Variants in RAD54L2 observed in about 807,000 individuals in gnomAD.
The protein encoded by RAD54L2 is RAD54 like 2, also known as helicase ARIP4.
RAD54L2 carries 27 observed loss-of-function variants against 138.4 expected under a neutral mutation model. The ratio of observed to expected loss-of-function variants is 0.20; its 90% CI spans 0.14 to 0.27. The LOEUF (loss-of-function observed/expected upper bound fraction) is 0.27, where lower values mean the gene tolerates loss of function less well. Ranked by LOEUF, RAD54L2 falls within the 10% of genes least tolerant of loss-of-function variation. The pLI is 1.00. For missense variants in RAD54L2, 1,396 were observed against 1,890.2 expected (o/e 0.74, Z 4.85); for synonymous variants, 644 against 723.2 (o/e 0.89, Z 1.76).
chr3:51,620,641 T>C (rs1030958749), intron 3 of RAD54L2, among the ~76,000 whole-genome samples: 1 of 152,098 alleles, frequency 6.6e-6, no homozygotes, highest in Non-Finnish European at 1.5e-5. Context: ...GTCAAATTTA[T>C]AGTGGTGGTG....
At chr3:51,542,959 T>C (rs1250218623) in intron 2 of RAD54L2, among the ~76,000 whole-genome samples, 2 of 152,150 alleles carry the variant, frequency 1.3e-5, no homozygotes, top group Non-Finnish European at 2.9e-5. Flanking sequence ...TTGTGTTCTA[T>C]ATGGCCCCTG....
Position 51,552,026 on chromosome 3 carries a change from A to G in RAD54L2, c.-55+10376A>G, listed in dbSNP as rs541608730. On this transcript the variant is annotated intron_variant, in intron 2 of 22. Coordinates refer to ENST00000684192, the MANE Select transcript of RAD54L2 (RefSeq NM_015106.4). ...CAGCCTCCCAAAGTGCTGGGATTAT[A>G]GGCGTGAGCCACCACGCCCAGCCTA... Among the ~76,000 whole-genome samples, 7 of 152,314 alleles carry G rather than the reference A, an allele frequency of 4.6e-5. No homozygotes were observed. In the South Asian group the frequency reaches 1.2e-3, roughly 27 times the overall value.
chr3:51,549,383 A>G (rs565755413), intron 2 of RAD54L2, among the ~76,000 whole-genome samples: 16 of 152,276 alleles, frequency 1.1e-4, no homozygotes, highest in African/African-American at 3.4e-4. Flanking sequence ...TCAGGAGACA[A>G]ATCCAGAGCC....
chr3:51,651,722 G>A (rs768669841), intron 19 of RAD54L2, among the ~76,000 whole-genome samples: 1 of 152,144 alleles, frequency 6.6e-6, no homozygotes, highest in Admixed American at 6.5e-5. Flanking sequence ...AAAGGCATTC[G>A]ACAAAATTCA....
At position 51,629,481 on chromosome 3, in the gene RAD54L2, G is replaced by A; in HGVS notation, c.481+8G>A. 3.1e-6 allele frequency: 5 copies of A among 1,611,836 alleles called. No homozygotes were observed. The highest frequency in any genetic ancestry group is 4.2e-6 in the Non-Finnish European group (5 of 1,179,134). ...CGCTGGAGTTCCTCCCTGGTAAGCA[G>A]TGGACATGGCAGGGAAGGCCCTTTG... On this transcript the variant is annotated splice_region_variant and intron_variant, in intron 5 of 22. Coordinates refer to ENST00000684192, the MANE Select transcript of RAD54L2 (RefSeq NM_015106.4).
At chr3:51,653,639 G>T (rs1214120251) in intron 19 of RAD54L2, among the ~76,000 whole-genome samples, 1 of 152,194 alleles carries the variant, frequency 6.6e-6, no homozygotes, top group Non-Finnish European at 1.5e-5. Context: ...TAGGGACATG[G>T]ATGAAGCTGG....
chr3:51,656,276 A>G lies in RAD54L2; in HGVS notation c.3226+106A>G, dbSNP rs111695778. The G allele has an allele frequency of 1.4e-3, 1,505 of 1,069,480 alleles. 11 individuals are homozygous for G. The African/African-American group carries it at 0.021, about 15-fold the overall frequency. The allele number at this position is 1,069,480 out of a possible 1,614,324, so 66.2% of individuals were successfully genotyped here. A position where few individuals can be genotyped will look rare whatever the true frequency, so the allele number is the denominator to read the frequency against. The stretch of plus-strand genomic sequence containing the variant: ...CCTTTTGTATTTCTGGCCTTACTAC[A>G]TTTGGCACTCTTGGTAAAAAATAGG... On this transcript the variant is annotated intron_variant, in intron 20 of 22. Coordinates refer to ENST00000684192, the MANE Select transcript of RAD54L2 (RefSeq NM_015106.4).
chr3:51,575,567 C>G (rs148921801), intron 2 of RAD54L2, among the ~76,000 whole-genome samples: 1 of 152,036 alleles, frequency 6.6e-6, no homozygotes, highest in East Asian at 1.9e-4. Context: ...CCTTCACATC[C>G]CTTGTAAGTT....
intron 3 of RAD54L2, among the ~76,000 whole-genome samples, chr3:51,602,766 C>T (rs1430752063): frequency 1.3e-5 from 2 of 152,186 alleles, no homozygotes; most frequent in African/African-American, 2.4e-5. Context: ...AATGCCTCTC[C>T]TCATGGGATT....
rs1403859230 is a variant in RAD54L2 at position 51,633,758 on chromosome 3, C to T, written c.1007C>T (p.Pro336Leu). ...GCCAAAACAGTCCTTGCCATTGTGC[C>T]GGTAAGAGTTTTTGGGAAGGCACCA... Reference protein sequence around the residue: ...TPAKTVLAIVPVNTLQNWLAE... With the variant: ...TPAKTVLAIVLVNTLQNWLAE... The change falls in exon 8 of 23, where the codon CCG becomes CTG. Residue 336 changes from proline (P) to leucine (L), a missense_variant and splice_region_variant. Physicochemically the swap from Pro to Leu is moderately conservative, Grantham distance 98. This residue lies in a region of RAD54L2 where 169 missense variants were observed against 235.6 expected (regional missense o/e 0.72). Transcript: ENST00000684192. 6.2e-7 allele frequency: 1 copy of T among 1,613,672 alleles called. No homozygotes were observed. Among genetic ancestry groups the T allele is most frequent in the Non-Finnish European group, 8.5e-7 (1 of 1,179,794 alleles).
chr3:51,589,989 T>TTTTTTCTTTG (rs1699806160), intron 2 of RAD54L2, among the ~76,000 whole-genome samples: 1 of 152,056 alleles, frequency 6.6e-6, no homozygotes, highest in Admixed American at 6.6e-5. Flanking sequence ...TGTTCAGCAT[T>TTTTTTCTTTG]TTTTTCTTTG....
chr3:51,649,410 A>C (rs1701370811), intron 19 of RAD54L2, among the ~76,000 whole-genome samples: 1 of 152,218 alleles, frequency 6.6e-6, no homozygotes, highest in African/African-American at 2.4e-5. Flanking sequence ...CAACCTAGCA[A>C]GGCAGGCCAA....
intron 2 of RAD54L2, among the ~76,000 whole-genome samples, chr3:51,564,794 A>G (rs1699176027): frequency 6.6e-6 from 1 of 152,214 alleles, no homozygotes; most frequent in African/African-American, 2.4e-5. Flanking sequence ...TTTAAAATTA[A>G]AAAAAGAAAG....
intron 2 of RAD54L2, among the ~76,000 whole-genome samples, chr3:51,566,300 A>G (rs1374338813): frequency 6.6e-6 from 1 of 151,844 alleles, no homozygotes; most frequent in Non-Finnish European, 1.5e-5. Context: ...ACAGCATGCA[A>G]CCTTATCTTG....
At chr3:51,595,953 G>C (rs1243981760) in intron 3 of RAD54L2, among the ~76,000 whole-genome samples, 1 of 136,560 alleles carries the variant, frequency 7.3e-6, no homozygotes, top group Admixed American at 7.5e-5. Context: ...TTTTTTTTGA[G>C]ACAGGGTCTC....
intron 19 of RAD54L2, among the ~76,000 whole-genome samples, chr3:51,652,262 C>A (rs1577463482): frequency 6.6e-6 from 1 of 152,086 alleles, no homozygotes; most frequent in African/African-American, 2.4e-5. Context: ...AACTATAAAC[C>A]ACTGCTCAAC....
chr3:51,600,193 C>T (rs148580588), intron 3 of RAD54L2, among the ~76,000 whole-genome samples: 3,316 of 152,142 alleles, frequency 0.022, 122 homozygotes, highest in African/African-American at 0.074. Context: ...CCGCCTGCTT[C>T]GGCCTCCCAA....
At chr3:51,650,735 C>T (rs1224582888) in intron 19 of RAD54L2, among the ~76,000 whole-genome samples, 1 of 152,048 alleles carries the variant, frequency 6.6e-6, no homozygotes, top group Non-Finnish European at 1.5e-5. Flanking sequence ...TCTTTGAAAC[C>T]AAAGAGAACA....
intron 2 of RAD54L2, among the ~76,000 whole-genome samples, chr3:51,587,797 T>G (rs912093795): frequency 6.6e-6 from 1 of 152,240 alleles, no homozygotes; most frequent in Admixed American, 6.5e-5. Context: ...ATTGCAGTTC[T>G]GCAGTACTTT....
Sources: allele counts gnomAD v4.1 joint callset (sites outside exome capture counted in the v4.1 genomes callset), GRCh38; gene constraint gnomAD v4.1.1; regional missense constraint gnomAD v4.1.1; transcripts MANE v1.5; gene names NCBI Gene and HGNC (gene_info 2026-07-23, HGNC 2026-07-21).